WDR19: variants seen among roughly 807,000 people sequenced by gnomAD.
WDR19 encodes WD repeat domain 19.
Under a neutral mutation model 180.0 loss-of-function variants are expected in WDR19, and 121 were observed. That is an observed-to-expected ratio of 0.67 (90% CI 0.58 to 0.78). The LOEUF is 0.78. Among genes scored for constraint, WDR19 ranks in the 30% least tolerant of loss-of-function variants. The probability of loss-of-function intolerance (pLI) is 0.00; values close to 1 mark genes in which losing one functional copy is unlikely to be tolerated. For synonymous variants in WDR19, 497 were observed against 540.7 expected, an observed-to-expected ratio of 0.92 and a Z score of 1.12; for missense variants, 1,450 against 1,640.7, an observed-to-expected ratio of 0.88 and a Z score of 2.01.
intron 1 of WDR19, 86 bp downstream of exon 1, chr4:39,182,649 C>T: frequency 6.3e-7 from 1 of 1,576,060 alleles, no homozygotes; most frequent in African/African-American, 1.3e-5. Flanking sequence ...ATCTGTCCCT[C>T]TCCCTTCTGA....
At position 39,218,043 on chromosome 4, in the gene WDR19, G is replaced by A. The variant is rs1729261440; in HGVS notation, c.1417G>A (p.Asp473Asn). 1 of 1,613,966 alleles carries A rather than the reference G, an allele frequency of 6.2e-7. No individual in the cohort carries two copies. The highest frequency in any genetic ancestry group is 8.5e-7 in the Non-Finnish European group (1 of 1,179,856). ...ERETRLFPAV[D>N]DKCRILCHAL... ...TGAGACTCGGCTTTTCCCAGCAGTGGATGATAAGTGCCGTATCTTATGCCA... is the reference window on the plus strand; with the variant it reads ...TGAGACTCGGCTTTTCCCAGCAGTGAATGATAAGTGCCGTATCTTATGCCA... The change falls in exon 14 of 37, where the codon GAT becomes AAT. Residue 473 changes from aspartate to asparagine, a missense_variant. Coordinates refer to ENST00000399820, the MANE Select transcript of WDR19 (RefSeq NM_025132.4).
intron 15 of WDR19, among the ~76,000 whole-genome samples, chr4:39,225,807 T>TCCTTC (rs1185074379): frequency 9.2e-5 from 14 of 152,092 alleles, no homozygotes; most frequent in African/African-American, 3.4e-4. Flanking sequence ...TCCTTTCCTT[T>TCCTTC]CCTTCCCTTC....
At position 39,283,253 on chromosome 4, in the gene WDR19, A is replaced by G. The variant is rs182331989; in HGVS notation, c.*14-2234A>G. 2.9e-3 allele frequency among the ~76,000 whole-genome samples: 446 copies of G among 152,290 alleles called. 3 individuals carry two copies. Among genetic ancestry groups the G allele is most frequent in the Middle Eastern group, 6.8e-3 (2 of 294 alleles). ...ATATGGTAAGGTATATTGATTTTCA[A>G]TGTTAAAGCCAACTTTTACTCTGGA... On this transcript the variant is annotated intron_variant, in intron 36 of 36. Transcript: ENST00000399820.
chr4:39,269,944 G>C (rs1735177443), intron 30 of WDR19, 32 bp from the exon 31 acceptor site: 4 of 1,610,966 alleles, frequency 2.5e-6, no homozygotes, highest in Admixed American at 1.7e-5. Context: ...GTCACCCTTT[G>C]CAGTAATGTC....
chr4:39,211,971 GAGAGAGAGAGAGA>G (rs1329496349), intron 9 of WDR19, among the ~76,000 whole-genome samples: 1 of 93,310 alleles, frequency 1.1e-5, no homozygotes, highest in Non-Finnish European at 2.5e-5. Context: ...GAGAGAGAGA[GAGAGAGAGAGAGA>G]GATAGATAGA....
chr4:39,253,109 G>A, intron 24 of WDR19, 37 bp from the exon 25 acceptor site: 2 of 1,538,634 alleles, frequency 1.3e-6, no homozygotes. Flanking sequence ...CAAATTGACA[G>A]TGTTAAAAAA....
intron 14 of WDR19, chr4:39,218,546 G>C (rs79454599): frequency 0.034 from 5,248 of 154,056 alleles, 140 homozygotes; most frequent in Non-Finnish European, 0.055. Context: ...ACCATGACAG[G>C]AGCTTGCAGG....
chr4:39,270,117 G>A lies in WDR19; in HGVS notation c.3483+17G>A, dbSNP rs754049945. 2 of 1,612,072 alleles carry A rather than the reference G, an allele frequency of 1.2e-6. No individual in the cohort carries two copies. The highest frequency in any genetic ancestry group is 1.7e-5 in the Admixed American group (1 of 59,820). Reference sequence around the variant, plus strand: ...CTAGTAAAGGTGAGGCCCATGGAGTGACTTGGGACATAACCTGCCAGGTGT... The same window carrying A: ...CTAGTAAAGGTGAGGCCCATGGAGTAACTTGGGACATAACCTGCCAGGTGT... On this transcript the variant is annotated intron_variant, in intron 31 of 36. Transcript: ENST00000399820.
At chr4:39,242,559 T>C (rs1369299762) in intron 21 of WDR19, among the ~76,000 whole-genome samples, 1 of 152,230 alleles carries the variant, frequency 6.6e-6, no homozygotes. Flanking sequence ...CAATGGCTCA[T>C]GCTAGTGATA....
At chr4:39,212,574 CTGAGGT>C in intron 9 of WDR19, among the ~76,000 whole-genome samples, 1 of 152,182 alleles carries the variant, frequency 6.6e-6, no homozygotes, top group South Asian at 2.1e-4. Context: ...GGCACATCAC[CTGAGGT>C]CAGGAGTTTG....
intron 17 of WDR19, among the ~76,000 whole-genome samples, chr4:39,229,158 G>A (rs1730594845): frequency 6.6e-6 from 1 of 151,976 alleles, no homozygotes; most frequent in Admixed American, 6.6e-5. Flanking sequence ...GTATTCCATA[G>A]TGTGTATATC....
intron 14 of WDR19, among the ~76,000 whole-genome samples, chr4:39,224,134 C>G (rs1729988374): frequency 6.6e-6 from 1 of 152,046 alleles, no homozygotes; most frequent in Admixed American, 6.5e-5. Flanking sequence ...TTGGTATGTA[C>G]ATGTTCATTG....
intron 20 of WDR19, among the ~76,000 whole-genome samples, chr4:39,239,276 C>T (rs946516221): frequency 2.6e-5 from 4 of 151,924 alleles, no homozygotes; most frequent in Admixed American, 1.3e-4. Context: ...GTGCCTGGCC[C>T]GGGAATATTA....
intron 5 of WDR19, among the ~76,000 whole-genome samples, chr4:39,199,078 ATG>A (rs1208537411): frequency 2.0e-5 from 3 of 151,844 alleles, no homozygotes; most frequent in African/African-American, 7.3e-5. Flanking sequence ...AGTTGGGAGG[ATG>A]GCTTGAGCCT....
chr4:39,258,083 C>T (rs1226342984), intron 28 of WDR19, among the ~76,000 whole-genome samples: 2 of 151,976 alleles, frequency 1.3e-5, no homozygotes, highest in African/African-American at 4.8e-5. Flanking sequence ...CACATGTGTC[C>T]TCTTATGTCC....
intron 28 of WDR19, among the ~76,000 whole-genome samples, chr4:39,259,536 G>A (rs559471239): frequency 9.2e-5 from 14 of 152,084 alleles, no homozygotes; most frequent in East Asian, 1.9e-4. Context: ...CTCATTTAGC[G>A]TCATGTTTTC....
At chr4:39,249,534 C>CA (rs1436078850) in intron 24 of WDR19, among the ~76,000 whole-genome samples, 20 of 152,110 alleles carry the variant, frequency 1.3e-4, no homozygotes, top group Non-Finnish European at 2.1e-4. Context: ...AAAAACCCTT[C>CA]AAAAAATCAA....
chr4:39,215,016 G>A (rs979275473), intron 10 of WDR19, among the ~76,000 whole-genome samples: 4 of 152,106 alleles, frequency 2.6e-5, no homozygotes, highest in Admixed American at 6.5e-5. Context: ...CAGGTGATCC[G>A]CCTGCCTTGG....
At chr4:39,203,781 A>C in intron 7 of WDR19, 59 bp downstream of exon 7, 1 of 1,480,368 alleles carries the variant, frequency 6.8e-7, no homozygotes, top group Non-Finnish European at 9.3e-7. Flanking sequence ...GGAATGTATA[A>C]TTTACTTTTC....
Sources: gnomAD v4.1 joint callset for allele counts (sites outside exome capture counted in the v4.1 genomes callset) on GRCh38, gnomAD v4.1.1 for gene constraint, MANE v1.5 for transcripts, NCBI Gene and HGNC (gene_info 2026-07-23, HGNC 2026-07-21) for gene names.